Variants in CTNNA2 observed in about 807,000 individuals in gnomAD.
The protein encoded by CTNNA2 is catenin alpha 2, also known as catenin alpha-2.
Under a neutral mutation model 101.0 loss-of-function variants are expected in CTNNA2, and 42 were observed. That is an observed-to-expected ratio of 0.42 (90% CI 0.32 to 0.54). The LOEUF (loss-of-function observed/expected upper bound fraction) is 0.54, where lower values mean the gene tolerates loss of function less well. Among genes scored for constraint, CTNNA2 ranks in the 20% least tolerant of loss-of-function variants. The probability of loss-of-function intolerance (pLI) is 0.14; values close to 1 mark genes in which losing one functional copy is unlikely to be tolerated. For missense variants in CTNNA2, 871 were observed against 1,223.1 expected (o/e 0.71, Z 4.29); for synonymous variants, 450 against 456.4 (o/e 0.99, Z 0.18).
intron 2 of CTNNA2, among the ~76,000 whole-genome samples, chr2:79,669,832 C>A (rs775368370): frequency 6.6e-6 from 1 of 152,134 alleles, no homozygotes; most frequent in Non-Finnish European, 1.5e-5. Flanking sequence ...TTTTATTGAC[C>A]GCAGAGGGGA....
chr2:80,339,798 T>C (rs1672072541), intron 7 of CTNNA2, among the ~76,000 whole-genome samples: 1 of 152,178 alleles, frequency 6.6e-6, no homozygotes, highest in South Asian at 2.1e-4. Context: ...ACTGAAGAAA[T>C]CAGACAACAG....
intron 7 of CTNNA2, among the ~76,000 whole-genome samples, chr2:79,924,363 C>T (rs1472184657): frequency 1.3e-5 from 2 of 152,078 alleles, no homozygotes; most frequent in Non-Finnish European, 2.9e-5. Context: ...TTTCTCTGGC[C>T]TGCTAAACAG....
chr2:79,503,570 T>G (rs1386664860), intron 4 of CTNNA2, among the ~76,000 whole-genome samples: 1 of 152,160 alleles, frequency 6.6e-6, no homozygotes, highest in African/African-American at 2.4e-5. Context: ...ACTGACATAT[T>G]AGATACTGTG....
At chr2:79,951,425 C>T (rs374146866) in intron 7 of CTNNA2, among the ~76,000 whole-genome samples, 3 of 152,180 alleles carry the variant, frequency 2.0e-5, no homozygotes, top group East Asian at 3.9e-4. Flanking sequence ...CCAGCACTTT[C>T]GGTGGCTGAG....
chr2:80,122,997 G>C (rs181112718), intron 7 of CTNNA2, among the ~76,000 whole-genome samples: 4 of 152,130 alleles, frequency 2.6e-5, no homozygotes, highest in Admixed American at 6.6e-5. Context: ...AAATGGAACC[G>C]TCTCACTTCT....
rs1034976016 is a variant in CTNNA2, at chr2:79,362,967, T to C, written c.-317-10864T>C. Among the ~76,000 whole-genome samples, 10 of 152,188 alleles carry C rather than the reference T, an allele frequency of 6.6e-5. No homozygotes were observed. In the South Asian group the frequency reaches 1.0e-3, roughly 16 times the overall value. On this transcript the variant is annotated intron_variant, in intron 3 of 21. Coordinates refer to the CTNNA2 transcript ENST00000466387. The stretch of plus-strand genomic sequence containing the variant: ...AAGGCAATGTGATGAAAAAACAGAG[T>C]AGAATTTGTTAATGACACAGTCTTG...
At chr2:79,369,405 G>A (rs1338401877) in intron 3 of CTNNA2, among the ~76,000 whole-genome samples, 1 of 152,108 alleles carries the variant, frequency 6.6e-6, no homozygotes, top group Non-Finnish European at 1.5e-5. Context: ...CTGAGTTTGT[G>A]ACTCGCCGGG....
At chr2:79,525,737 G>A (rs745877170) in intron 1 of CTNNA2, among the ~76,000 whole-genome samples, 53 of 152,066 alleles carry the variant, frequency 3.5e-4, no homozygotes, top group Middle Eastern at 6.8e-3. Flanking sequence ...GTGGTAAGTC[G>A]TGGTTCATGG....
At chr2:80,621,790 T>G (rs11888780) in intron 18 of CTNNA2, among the ~76,000 whole-genome samples, 2 of 151,846 alleles carry the variant, frequency 1.3e-5, no homozygotes, top group African/African-American at 4.8e-5. Flanking sequence ...GCTCCTGAAT[T>G]TGAGGAATGT....
rs1303788260 is a variant in CTNNA2, at chr2:79,312,808, A to C, written c.-318+12A>C. The C allele has an allele frequency of 3.3e-5, 5 of 152,330 alleles. No individual in the cohort carries two copies. The South Asian group carries it at 8.3e-4, about 25-fold the overall frequency. The allele number at this position is 152,330 out of a possible 1,614,324, so 9.4% of individuals were successfully genotyped here. The stretch of plus-strand genomic sequence containing the variant: ...ATCTCATCAAAAAGGTAAGAAAACA[A>C]GGGTATGTTTTATCCTGATGGATTT... On this transcript the variant is annotated intron_variant, in intron 3 of 21. Transcript: ENST00000466387.
At chr2:79,473,967 G>C (rs1671026780) in intron 4 of CTNNA2, among the ~76,000 whole-genome samples, 1 of 152,232 alleles carries the variant, frequency 6.6e-6, no homozygotes, top group South Asian at 2.1e-4. Context: ...TTGAACACTT[G>C]AGATGTGTCA....
intron 4 of CTNNA2, among the ~76,000 whole-genome samples, chr2:79,381,728 AG>A (rs1263570927): frequency 6.6e-6 from 1 of 152,176 alleles, no homozygotes; most frequent in Non-Finnish European, 1.5e-5. Flanking sequence ...CTGTCTATCC[AG>A]TGATCATTCA....
chr2:79,264,109 G>T (rs1004677148), intron 2 of CTNNA2, among the ~76,000 whole-genome samples: 1 of 152,110 alleles, frequency 6.6e-6, no homozygotes, highest in Non-Finnish European at 1.5e-5. Context: ...TACAACTCAG[G>T]ACGAAAATAA....
intron 7 of CTNNA2, among the ~76,000 whole-genome samples, chr2:80,034,199 C>T (rs1695498129): frequency 2.0e-5 from 3 of 151,412 alleles, no homozygotes; most frequent in Admixed American, 6.6e-5. Context: ...CCTAATTTTC[C>T]GTAAAACATC....
At chr2:80,471,292 A>G (rs1227559490) in intron 9 of CTNNA2, among the ~76,000 whole-genome samples, 1 of 152,226 alleles carries the variant, frequency 6.6e-6, no homozygotes, top group Non-Finnish European at 1.5e-5. Context: ...TGCTTCCACG[A>G]TAAGATATCT....
At chr2:80,633,857 G>T (rs1184666183) in intron 18 of CTNNA2, among the ~76,000 whole-genome samples, 4 of 152,148 alleles carry the variant, frequency 2.6e-5, no homozygotes, top group African/African-American at 9.7e-5. Context: ...TGTCTTTTGA[G>T]CAAAGACTGA....
chr2:80,330,791 T>C (rs1671248279), intron 7 of CTNNA2, among the ~76,000 whole-genome samples: 1 of 152,148 alleles, frequency 6.6e-6, no homozygotes, highest in South Asian at 2.1e-4. Context: ...CCAGTGTCTT[T>C]ATTAAAACTT....
intron 4 of CTNNA2, among the ~76,000 whole-genome samples, chr2:79,466,341 G>A (rs191547698): frequency 7.2e-5 from 11 of 152,296 alleles, no homozygotes; most frequent in East Asian, 3.9e-4. Context: ...AGGGGTCCCC[G>A]CCATTGCTGA....
intron 6 of CTNNA2, among the ~76,000 whole-genome samples, chr2:79,904,230 A>G (rs1477535999): frequency 1.3e-5 from 2 of 152,130 alleles, no homozygotes; most frequent in Admixed American, 1.3e-4. Flanking sequence ...CCATTTCTCC[A>G]TTACAATTGG....
Sources: gnomAD v4.1 joint callset for allele counts (sites outside exome capture counted in the v4.1 genomes callset) on GRCh38, gnomAD v4.1.1 for gene constraint, MANE v1.5 for transcripts, NCBI Gene and HGNC (gene_info 2026-07-23, HGNC 2026-07-21) for gene names.